Variants in POLR1E observed in about 807,000 individuals in gnomAD.
POLR1E encodes the protein RNA polymerase I subunit E.
Under a neutral mutation model 50.9 loss-of-function variants are expected in POLR1E, and 37 were observed. The observed-to-expected ratio is 0.73, with a 90% CI of 0.56 to 0.96. The LOEUF (loss-of-function observed/expected upper bound fraction) is 0.96. Ranked by LOEUF, POLR1E falls within the 40% of genes least tolerant of loss-of-function variation. The pLI is 0.00. For missense variants in POLR1E, 426 were observed against 518.1 expected, an observed-to-expected ratio of 0.82 and a Z score of 1.73; for synonymous variants, 166 against 191.6, an observed-to-expected ratio of 0.87 and a Z score of 1.10.
At position 37,491,921 on chromosome 9, in the gene POLR1E, G is replaced by A. The variant is rs192650129; in HGVS notation, c.344-736G>A. Among the ~76,000 whole-genome samples the A allele has an allele frequency of 1.2e-3, 188 of 152,226 alleles. 1 individual carries two copies. The highest frequency in any genetic ancestry group is 1.3e-3 in the Non-Finnish European group (87 of 68,030). On this transcript the variant is annotated intron_variant, in intron 4 of 11. Transcript: ENST00000377798. ...GAGGCAAGGAAAATTGTAATTTAAC[G>A]TGTTGATTAAACATATTTTTGTTGT...
chr9:37,494,827 A>T (rs573028769), intron 6 of POLR1E, among the ~76,000 whole-genome samples: 50 of 152,328 alleles, frequency 3.3e-4, no homozygotes, highest in African/African-American at 1.2e-3. Context: ...CTAGAAGTTA[A>T]GCCATTAAAG....
intron 6 of POLR1E, 62 bp from the exon 7 acceptor site, chr9:37,495,107 A>G: frequency 7.2e-7 from 1 of 1,392,794 alleles, no homozygotes; most frequent in Non-Finnish European, 1.0e-6. Flanking sequence ...CACAGACTGA[A>G]AAGAATGTTG....
In POLR1E at chr9:37,495,870, T is replaced by G. The variant is rs1425504983; in HGVS notation, c.656-20T>G. On this transcript the variant is annotated intron_variant, in intron 7 of 11. Coordinates refer to ENST00000377798, the MANE Select transcript of POLR1E (RefSeq NM_022490.4). ...GGATGTTTCTATTTTGGTTGGATTA[T>G]ATTCTTGACCTGTAACTAGTTCTTT... 6.3e-7 allele frequency: 1 copy of G among 1,577,354 alleles called. No individual in the cohort carries two copies. The highest frequency in any genetic ancestry group is 1.7e-5 in the Admixed American group (1 of 59,932).
At chr9:37,486,868 G>T (rs569527339) in intron 2 of POLR1E, 62 bp downstream of exon 2, 202 of 1,542,240 alleles carry the variant, frequency 1.3e-4, no homozygotes, top group Non-Finnish European at 1.7e-4. Context: ...CTGGGAGTGG[G>T]TGGATGTGGG....
At chr9:37,486,335 C>T (rs929429572) in intron 1 of POLR1E, 58 of 1,380,404 alleles carry the variant, frequency 4.2e-5, no homozygotes, top group Non-Finnish European at 5.1e-5. Flanking sequence ...TCACCCGCTC[C>T]CCAGAGCTGT....
At chr9:37,495,341 G>GTTTTCTT in intron 7 of POLR1E, 65 bp downstream of exon 7, 1 of 1,317,296 alleles carries the variant, frequency 7.6e-7, no homozygotes. Context: ...CGTGTGTGCA[G>GTTTTCTT]TCAGGTTCTC....
intron 1 of POLR1E, 40 bp from the exon 2 acceptor site, chr9:37,486,663 C>T (rs370500509): frequency 7.4e-6 from 12 of 1,614,210 alleles, no homozygotes; most frequent in South Asian, 1.1e-5. Flanking sequence ...CATTGTGTGG[C>T]CTTCTGCTCT....
intron 4 of POLR1E, among the ~76,000 whole-genome samples, chr9:37,491,367 T>C (rs536667432): frequency 5.9e-5 from 9 of 152,196 alleles, no homozygotes; most frequent in Non-Finnish European, 1.2e-4. Flanking sequence ...TCCATCCCTT[T>C]TGAGAATCTG....
rs761422375 is a variant in POLR1E, at chr9:37,495,942, G to C, written c.708G>C (p.Arg236Ser). ...EALQSPSEAF[R>S]NVTSEEILKM... ...TTCAGAGCCCATCTGAAGCTTTCAGGAACGTCACGTCAGAAGAAATACTGA... is the reference window on the plus strand; with the variant it reads ...TTCAGAGCCCATCTGAAGCTTTCAGCAACGTCACGTCAGAAGAAATACTGA... The change falls in exon 8 of 12, where the codon AGG (arginine) becomes AGC (serine). Residue 236 changes from arginine (R) to serine (S), a missense_variant. By Grantham distance (110) the Arg-to-Ser change is moderately radical. Transcript: ENST00000377798. 1.9e-6 allele frequency: 3 copies of C among 1,614,122 alleles called. No individual in the cohort carries two copies. In the East Asian group the frequency reaches 6.7e-5, roughly 36 times the overall value.
At chr9:37,491,915 T>C (rs10973367) in intron 4 of POLR1E, among the ~76,000 whole-genome samples, 8,323 of 152,316 alleles carry the variant, frequency 0.055, 532 homozygotes, top group East Asian at 0.35. Context: ...AAAATTGTAA[T>C]TTAACGTGTT....
chr9:37,498,324 G>A (rs529073763), intron 9 of POLR1E, 100 bp downstream of exon 9: 4 of 1,305,318 alleles, frequency 3.1e-6, no homozygotes, highest in East Asian at 4.8e-5. Context: ...GGATATGTCT[G>A]TCCAAGTCTT....
At chr9:37,499,372 C>G (rs997494538) in intron 9 of POLR1E, among the ~76,000 whole-genome samples, 1 of 152,080 alleles carries the variant, frequency 6.6e-6, no homozygotes, top group Admixed American at 6.6e-5. Flanking sequence ...TTACAATGAG[C>G]TATGATTGCA....
At chr9:37,501,625 G>T in intron 10 of POLR1E, 88 bp from the exon 11 acceptor site, 1 of 1,476,994 alleles carries the variant, frequency 6.8e-7, no homozygotes, top group South Asian at 1.3e-5. Context: ...GTGCATATGA[G>T]AATAGGATTG....
Position 37,486,803 on chromosome 9 carries a change from C to T in POLR1E, c.177C>T (p.Ile59=). 2 of 1,608,258 alleles carry T rather than the reference C, an allele frequency of 1.2e-6. No individual in the cohort carries two copies. Among genetic ancestry groups the T allele is most frequent in the African/African-American group, 1.3e-5 (1 of 75,006 alleles). ...STNPRKRNQR[I]LAAETDRLSY... is the part of the protein sequence containing the mutation. ...ACCCCAGGAAGAGGAATCAACGGAT[C>T]CTGGTAAGTGAAGCAGTTGCCAGCT... The change falls in exon 2 of 12, where the codon ATC becomes ATT. Residue 59 remains isoleucine (I), a synonymous_variant. Coordinates refer to ENST00000377798, the MANE Select transcript of POLR1E (RefSeq NM_022490.4).
chr9:37,489,006 A>T (rs538001699), intron 3 of POLR1E, among the ~76,000 whole-genome samples: 34 of 152,174 alleles, frequency 2.2e-4, no homozygotes, highest in Non-Finnish European at 4.1e-4. Flanking sequence ...TGGGAGGCTG[A>T]TAGGGTCAGA....
At chr9:37,500,671 A>G (rs1820870421) in intron 9 of POLR1E, among the ~76,000 whole-genome samples, 169 bp from the exon 10 acceptor site, 1 of 152,134 alleles carries the variant, frequency 6.6e-6, no homozygotes, top group Admixed American at 6.5e-5. Flanking sequence ...CACACCAAGC[A>G]TGTTTTCATT....
chr9:37,491,369 G>A (rs1290526007), intron 4 of POLR1E, among the ~76,000 whole-genome samples: 1 of 152,044 alleles, frequency 6.6e-6, no homozygotes, highest in East Asian at 1.9e-4. Flanking sequence ...CATCCCTTTT[G>A]AGAATCTGCT....
chr9:37,491,132 A>G (rs1243474534), intron 4 of POLR1E, among the ~76,000 whole-genome samples: 2 of 152,216 alleles, frequency 1.3e-5, no homozygotes, highest in East Asian at 3.8e-4. Context: ...TCATCTTAGA[A>G]TGCTCAGGGC....
rs1408490835 is a variant in POLR1E, at chr9:37,486,766, A to C, written c.140A>C (p.Lys47Thr). The change falls in exon 2 of 12, where the codon AAA becomes ACA. Residue 47 changes from lysine to threonine, a missense_variant. Physicochemically the swap from Lys to Thr is moderately conservative, Grantham distance 78. Coordinates refer to ENST00000377798, the MANE Select transcript of POLR1E (RefSeq NM_022490.4). ...GNMRFTLYENKDSTNPRKRNQ... is the reference protein window; with the variant it reads ...GNMRFTLYENTDSTNPRKRNQ... ...ATGCGCTTTACCTTGTATGAGAACA[A>C]AGATTCCACCAACCCCAGGAAGAGG... 2 of 1,613,934 alleles carry C rather than the reference A, an allele frequency of 1.2e-6. No homozygotes were observed. Among genetic ancestry groups the C allele is most frequent in the Non-Finnish European group, 1.7e-6 (2 of 1,180,030 alleles).
Sources: gnomAD v4.1 joint callset for allele counts (sites outside exome capture counted in the v4.1 genomes callset) on GRCh38, gnomAD v4.1.1 for gene constraint, MANE v1.5 for transcripts, NCBI Gene and HGNC (gene_info 2026-07-23, HGNC 2026-07-21) for gene names.